MTUS2: variants seen among roughly 807,000 people sequenced by gnomAD.
MTUS2 encodes microtubule associated scaffold protein 2, also known as microtubule-associated tumor suppressor candidate 2.
A neutral mutation model predicts 114.1 loss-of-function variants in MTUS2; 40 were observed. The observed-to-expected ratio is 0.35, with a 90% CI of 0.27 to 0.46. MTUS2 has a LOEUF of 0.46. Ranked by LOEUF, MTUS2 falls within the 20% of genes least tolerant of loss-of-function variation. The probability of loss-of-function intolerance (pLI) is 1.00; values close to 1 mark genes in which losing one functional copy is unlikely to be tolerated. For missense variants in MTUS2, 1,679 were observed against 1,705.4 expected, an observed-to-expected ratio of 0.98 and a Z score of 0.27; for synonymous variants, 688 against 672.0, an observed-to-expected ratio of 1.02 and a Z score of -0.37.
At chr13:28,910,643 G>C (rs1485621169) in intron 2 of MTUS2, among the ~76,000 whole-genome samples, 1 of 151,426 alleles carries the variant, frequency 6.6e-6, no homozygotes, top group African/African-American at 2.4e-5. Flanking sequence ...TTGGTTTTCT[G>C]TTCCTGTGTT....
intron 2 of MTUS2, among the ~76,000 whole-genome samples, chr13:28,905,545 C>T (rs1339130963): frequency 1.3e-5 from 2 of 151,582 alleles, no homozygotes; most frequent in African/African-American, 4.9e-5. Context: ...TGTTTATATG[C>T]TGGATTACAT....
chr13:29,451,180 A>G (rs1878659250), intron 9 of MTUS2, among the ~76,000 whole-genome samples: 2 of 152,356 alleles, frequency 1.3e-5, no homozygotes, highest in East Asian at 1.9e-4. Context: ...AACACAGACC[A>G]TATTCTGAGC....
intron 8 of MTUS2, among the ~76,000 whole-genome samples, chr13:29,425,837 A>G (rs185349870): frequency 2.5e-4 from 38 of 152,292 alleles, no homozygotes; most frequent in East Asian, 2.1e-3. Context: ...CAAGAAGAGA[A>G]GCTGAAAATG....
At chr13:29,358,945 A>G (rs1869987987) in intron 7 of MTUS2, among the ~76,000 whole-genome samples, 1 of 107,660 alleles carries the variant, frequency 9.3e-6, no homozygotes, top group African/African-American at 3.3e-5. Context: ...TCAAAGAGTA[A>G]TCTCCTTTAA....
At chr13:28,872,617 A>G (rs1368757469) in intron 2 of MTUS2, among the ~76,000 whole-genome samples, 2 of 152,140 alleles carry the variant, frequency 1.3e-5, no homozygotes, top group African/African-American at 2.4e-5. Flanking sequence ...ATGGCAAGAG[A>G]GGAAGTAACA....
chr13:29,022,272 A>G (rs1419141357), intron 2 of MTUS2, among the ~76,000 whole-genome samples: 2 of 152,246 alleles, frequency 1.3e-5, no homozygotes, highest in Non-Finnish European at 2.9e-5. Flanking sequence ...AGTTGGAAAC[A>G]CAGAGGGCTT....
chr13:28,912,528 T>C (rs1199086978), intron 2 of MTUS2, among the ~76,000 whole-genome samples: 2 of 148,266 alleles, frequency 1.3e-5, no homozygotes. Flanking sequence ...TTTAAAACAG[T>C]TTTTTTTCTA....
At chr13:29,451,620 T>C (rs935356088) in intron 9 of MTUS2, among the ~76,000 whole-genome samples, 1 of 152,076 alleles carries the variant, frequency 6.6e-6, no homozygotes, top group African/African-American at 2.4e-5. Context: ...GTTTTGCTCT[T>C]GTTGCCCAGG....
chr13:29,383,249 TGTG>T lies in MTUS2; in HGVS notation c.3117+23777_3117+23779del, dbSNP rs1566168588. Among the ~76,000 whole-genome samples the T allele has an allele frequency of 3.2e-3, 396 of 125,442 alleles. 1 individual carries two copies. Among genetic ancestry groups the T allele is most frequent in the Middle Eastern group, 8.4e-3 (2 of 238 alleles). The allele number at this position is 125,442 out of a possible 152,430, so 82.3% of individuals were successfully genotyped here. A position where few individuals can be genotyped will look rare whatever the true frequency, so the allele number is the denominator to read the frequency against. On this transcript the variant is annotated intron_variant, in intron 8 of 15. Coordinates refer to ENST00000612955, the MANE Select transcript of MTUS2 (RefSeq NM_001033602.4). ...GTGTGTGTGTGTGTGTGTGTGTGTG[TGTG>T]TATTTATTTTTCTCATGCAGGTCTT...
intron 5 of MTUS2, among the ~76,000 whole-genome samples, chr13:29,145,332 C>T (rs201638818): frequency 1.3e-5 from 2 of 151,930 alleles, no homozygotes; most frequent in South Asian, 2.1e-4. Flanking sequence ...CCAGCCTGGC[C>T]GGGATGGTGA....
intron 5 of MTUS2, chr13:29,242,791 G>C (rs1896777237): frequency 1.3e-5 from 2 of 152,176 alleles, no homozygotes; most frequent in South Asian, 4.1e-4. Context: ...ACCTACTATT[G>C]CCAGGTATGG....
chr13:29,201,234 T>C (rs947273318), intron 5 of MTUS2, among the ~76,000 whole-genome samples: 7 of 152,224 alleles, frequency 4.6e-5, no homozygotes, highest in Non-Finnish European at 1.0e-4. Flanking sequence ...TAGCTCTTCT[T>C]GTTGCATTGA....
intron 5 of MTUS2, among the ~76,000 whole-genome samples, chr13:29,137,759 G>A (rs1028499777): frequency 6.7e-6 from 1 of 148,454 alleles, no homozygotes; most frequent in Non-Finnish European, 1.5e-5. Flanking sequence ...TGGGATTACA[G>A]GTGCACACCA....
At chr13:28,999,599 C>G (rs563932787) in intron 2 of MTUS2, among the ~76,000 whole-genome samples, 2 of 152,320 alleles carry the variant, frequency 1.3e-5, no homozygotes, top group East Asian at 3.9e-4. Context: ...AAATCAGTCA[C>G]AAACATTTGT....
chr13:28,860,452 T>C (rs1417056611), intron 2 of MTUS2, among the ~76,000 whole-genome samples: 1 of 152,188 alleles, frequency 6.6e-6, no homozygotes, highest in Non-Finnish European at 1.5e-5. Context: ...TCTTGGCTTT[T>C]TCAGACTCCT....
At chr13:29,360,699 C>T (rs867693896) in intron 8 of MTUS2, among the ~76,000 whole-genome samples, 15 of 137,328 alleles carry the variant, frequency 1.1e-4, no homozygotes, top group African/African-American at 3.0e-4. Flanking sequence ...CCCCCCCCCC[C>T]CCGTAAGAAT....
At chr13:29,343,854 C>G (rs1252523401) in intron 7 of MTUS2, among the ~76,000 whole-genome samples, 1 of 152,068 alleles carries the variant, frequency 6.6e-6, no homozygotes, top group African/African-American at 2.4e-5. Context: ...AGTTGTATCA[C>G]TGTTATCATT....
At chr13:29,443,189 A>G (rs1382360790) in intron 9 of MTUS2, among the ~76,000 whole-genome samples, 1 of 152,214 alleles carries the variant, frequency 6.6e-6, no homozygotes, top group African/African-American at 2.4e-5. Flanking sequence ...CAGTCTGTAA[A>G]GGTGACTCTC....
chr13:28,825,385 C>T (rs758953044), intron 1 of MTUS2, among the ~76,000 whole-genome samples: 30 of 152,186 alleles, frequency 2.0e-4, no homozygotes, highest in Admixed American at 6.5e-4. Flanking sequence ...GGAAACCACA[C>T]GGCTCTTTCT....
Sources: allele counts gnomAD v4.1 joint callset (sites outside exome capture counted in the v4.1 genomes callset), GRCh38; gene constraint gnomAD v4.1.1; transcripts MANE v1.5; gene names NCBI Gene and HGNC (gene_info 2026-07-23, HGNC 2026-07-21).